Variants in PTPRT observed in about 807,000 individuals in gnomAD.
The protein encoded by PTPRT is receptor-type tyrosine-protein phosphatase T.
Under a neutral mutation model 176.8 loss-of-function variants are expected in PTPRT, and 56 were observed. The ratio of observed to expected loss-of-function variants is 0.32; its 90% CI spans 0.26 to 0.40. The LOEUF (loss-of-function observed/expected upper bound fraction) is 0.40, where lower values mean the gene tolerates loss of function less well. PTPRT is among the 10% of genes least tolerant of loss of function. The probability of loss-of-function intolerance (pLI) is 1.00; values close to 1 mark genes in which losing one functional copy is unlikely to be tolerated. For synonymous variants in PTPRT, 783 were observed against 739.0 expected, an observed-to-expected ratio of 1.06 and a Z score of -0.96; for missense variants, 1,540 against 1,908.2, an observed-to-expected ratio of 0.81 and a Z score of 3.60.
intron 6 of PTPRT, among the ~76,000 whole-genome samples, chr20:42,753,608 G>C (rs1483117311): frequency 6.6e-6 from 1 of 152,192 alleles, no homozygotes; most frequent in Non-Finnish European, 1.5e-5. Flanking sequence ...GGGGCTGCAG[G>C]TGAGTGGCTT....
chr20:42,506,595 A>C lies in PTPRT; in HGVS notation c.1154-34033T>G, dbSNP rs565526596. On this transcript the variant is annotated intron_variant, in intron 7 of 30. Transcript: ENST00000373187. ...TTCCAGGTTGTGAACAATGTTGCAC[A>C]ATAATTTGTGTAATCCCTGAATATA... is the stretch of plus-strand genomic sequence containing the variant. 1.8e-4 allele frequency among the ~76,000 whole-genome samples: 28 copies of C among 152,278 alleles called. No homozygotes were observed. The South Asian group carries it at 5.8e-3, about 32-fold the overall frequency.
At chr20:43,112,186 G>A (rs76500525) in intron 1 of PTPRT, among the ~76,000 whole-genome samples, 60 of 152,330 alleles carry the variant, frequency 3.9e-4, no homozygotes, top group Non-Finnish European at 7.2e-4. Context: ...TATCAATTAC[G>A]TAACATCTAA....
At chr20:42,165,021 CTT>C (rs1568635015) in intron 16 of PTPRT, among the ~76,000 whole-genome samples, 1 of 152,162 alleles carries the variant, frequency 6.6e-6, no homozygotes, top group Non-Finnish European at 1.5e-5. Context: ...TGCAGTAACT[CTT>C]GTTACTGCCC....
chr20:42,951,440 C>G (rs1347104176), intron 1 of PTPRT, among the ~76,000 whole-genome samples: 1 of 151,910 alleles, frequency 6.6e-6, no homozygotes, highest in Non-Finnish European at 1.5e-5. Context: ...AGAGAAATCA[C>G]CCATCAGCAT....
intron 1 of PTPRT, among the ~76,000 whole-genome samples, chr20:43,017,349 T>G (rs150913627): frequency 1.3e-5 from 2 of 152,280 alleles, no homozygotes; most frequent in East Asian, 1.9e-4. Context: ...CTGTCTCTTC[T>G]CTCATTCCTC....
intron 1 of PTPRT, among the ~76,000 whole-genome samples, chr20:43,040,408 G>A (rs1314713704): frequency 6.6e-6 from 1 of 152,042 alleles, no homozygotes; most frequent in East Asian, 1.9e-4. Context: ...GAACTGGGGA[G>A]GAAGGACAAA....
chr20:42,713,104 A>G (rs978218726), intron 6 of PTPRT, among the ~76,000 whole-genome samples: 13 of 152,098 alleles, frequency 8.5e-5, no homozygotes, highest in African/African-American at 2.9e-4. Flanking sequence ...TAATCTACAC[A>G]TGAAATACCT....
chr20:42,552,476 A>G (rs1601250880), intron 7 of PTPRT, among the ~76,000 whole-genome samples: 1 of 152,222 alleles, frequency 6.6e-6, no homozygotes, highest in South Asian at 2.1e-4. Context: ...TAGATGAAAT[A>G]AAGCTCTCAG....
At chr20:42,577,388 C>T (rs1295009971) in intron 7 of PTPRT, among the ~76,000 whole-genome samples, 3 of 152,160 alleles carry the variant, frequency 2.0e-5, no homozygotes, top group South Asian at 2.1e-4. Context: ...AAAGGACCAC[C>T]AGGCTGTGCT....
At chr20:42,680,485 A>G (rs187522911) in intron 6 of PTPRT, among the ~76,000 whole-genome samples, 217 of 152,324 alleles carry the variant, frequency 1.4e-3, no homozygotes, top group African/African-American at 4.9e-3. Context: ...TGTGCATGTT[A>G]AATATATGGA....
intron 1 of PTPRT, among the ~76,000 whole-genome samples, chr20:43,093,976 A>G (rs539439035): frequency 1.3e-4 from 20 of 152,090 alleles, no homozygotes; most frequent in African/African-American, 4.6e-4. Context: ...CCCTCCCCAA[A>G]GGCCACCATT....
At chr20:42,188,255 A>T (rs2146625766) in intron 16 of PTPRT, among the ~76,000 whole-genome samples, 1 of 152,358 alleles carries the variant, frequency 6.6e-6, no homozygotes, top group Admixed American at 6.5e-5. Context: ...TTCAATGATT[A>T]GAGGTTGGGA....
chr20:42,839,771 T>A (rs1374811681), intron 2 of PTPRT, among the ~76,000 whole-genome samples: 4 of 152,088 alleles, frequency 2.6e-5, no homozygotes, highest in Non-Finnish European at 5.9e-5. Flanking sequence ...TTTAAGATCT[T>A]TAATAAGTGG....
At chr20:42,868,649 A>G (rs892076098) in intron 2 of PTPRT, among the ~76,000 whole-genome samples, 1 of 152,202 alleles carries the variant, frequency 6.6e-6, no homozygotes, top group African/African-American at 2.4e-5. Context: ...GGCTGAGTCA[A>G]TGTTTGATAA....
intron 29 of PTPRT, among the ~76,000 whole-genome samples, chr20:42,083,118 C>CAAAAAA (rs3084622): frequency 0.013 from 794 of 59,640 alleles, 31 homozygotes; most frequent in South Asian, 0.061. Context: ...GACACTAGTG[C>CAAAAAA]AAAAAAAAAA....
chr20:43,110,582 G>A (rs1198959682), intron 1 of PTPRT, among the ~76,000 whole-genome samples: 1 of 152,212 alleles, frequency 6.6e-6, no homozygotes, highest in Non-Finnish European at 1.5e-5. Flanking sequence ...AGGGCACTGT[G>A]TACATGACTG....
chr20:43,097,918 A>G (rs1568783676), intron 1 of PTPRT, among the ~76,000 whole-genome samples: 1 of 152,142 alleles, frequency 6.6e-6, no homozygotes, highest in Non-Finnish European at 1.5e-5. Flanking sequence ...GCTTACATTA[A>G]TATGGATGCA....
the PTPRT span, among the ~76,000 whole-genome samples, chr20:42,055,851 C>A: frequency 2.0e-5 from 3 of 152,260 alleles, no homozygotes; most frequent in East Asian, 5.8e-4. Context: ...TCAGTGGAAC[C>A]AGAAAGGGTA....
At chr20:42,202,597 G>T (rs1991498308) in intron 15 of PTPRT, among the ~76,000 whole-genome samples, 1 of 152,204 alleles carries the variant, frequency 6.6e-6, no homozygotes, top group Admixed American at 6.5e-5. Context: ...TATCAAAAAG[G>T]AGTGTGTTTA....
Sources: allele counts gnomAD v4.1 joint callset (sites outside exome capture counted in the v4.1 genomes callset), GRCh38; gene constraint gnomAD v4.1.1; transcripts MANE v1.5; gene names NCBI Gene and HGNC (gene_info 2026-07-23, HGNC 2026-07-21).